The following ADAM23 variants were observed in gnomAD, a reference collection of about 807,000 sequenced individuals.
The protein encoded by ADAM23 is ADAM metallopeptidase domain 23, also known as disintegrin and metalloproteinase domain-containing protein 23.
Under a neutral mutation model 120.1 loss-of-function variants are expected in ADAM23, and 33 were observed. The observed-to-expected ratio is 0.27, with a 90% CI of 0.21 to 0.37. The LOEUF (loss-of-function observed/expected upper bound fraction) is 0.37, where lower values mean the gene tolerates loss of function less well. Among genes scored for constraint, ADAM23 ranks in the 10% least tolerant of loss-of-function variants. ADAM23 has a pLI of 1.00. For synonymous variants in ADAM23, 367 were observed against 375.2 expected (o/e 0.98, Z 0.25); for missense variants, 862 against 1,058.2 (o/e 0.81, Z 2.57).
intron 3 of ADAM23, among the ~76,000 whole-genome samples, chr2:206,485,091 C>T (rs1000273990): frequency 1.3e-5 from 2 of 152,124 alleles, no homozygotes; most frequent in Non-Finnish European, 2.9e-5. Context: ...TGAGAATGGA[C>T]TAATGTAATA....
At chr2:206,590,726 T>C (rs912957002) in intron 21 of ADAM23, among the ~76,000 whole-genome samples, 1 of 152,240 alleles carries the variant, frequency 6.6e-6, no homozygotes, top group Non-Finnish European at 1.5e-5. Context: ...GAGCTTCTTA[T>C]CTGATGTCTC....
chr2:206,458,456 G>A (rs371601053), intron 2 of ADAM23, among the ~76,000 whole-genome samples: 2 of 152,208 alleles, frequency 1.3e-5, no homozygotes, highest in African/African-American at 4.8e-5. Context: ...TACCTCAGAC[G>A]TAAGTGAACA....
rs73054261 is a variant in ADAM23, at chr2:206,578,676, C to A, written c.1737+5481C>A. ...CATTTGGGGTGGTTCCATGATTTTGCAGTTGTGAATTGTGCTACTATAAAC... is the reference window on the plus strand; with the variant it reads ...CATTTGGGGTGGTTCCATGATTTTGAAGTTGTGAATTGTGCTACTATAAAC... On this transcript the variant is annotated intron_variant, in intron 18 of 25. Transcript: ENST00000264377. Among the ~76,000 whole-genome samples, 1,038 of 152,172 alleles carry A rather than the reference C, an allele frequency of 6.8e-3. 9 individuals are homozygous for A. Among genetic ancestry groups the A allele is most frequent in the African/African-American group, 0.024 (979 of 41,516 alleles).
At chr2:206,472,668 A>G (rs1695685846) in intron 2 of ADAM23, among the ~76,000 whole-genome samples, 1 of 152,000 alleles carries the variant, frequency 6.6e-6, no homozygotes, top group East Asian at 1.9e-4. Flanking sequence ...AGAGAGGAAG[A>G]TGAATTTGGA....
At chr2:206,514,444 G>A (rs2105785090) in intron 3 of ADAM23, among the ~76,000 whole-genome samples, 1 of 152,296 alleles carries the variant, frequency 6.6e-6, no homozygotes, top group Admixed American at 6.5e-5. Flanking sequence ...AACTAGAAGT[G>A]GAGCCCGAAG....
At chr2:206,444,998 A>AC (rs10557523) in intron 1 of ADAM23, among the ~76,000 whole-genome samples, 3,550 of 145,720 alleles carry the variant, frequency 0.024, 45 homozygotes, top group African/African-American at 0.032. Context: ...AGTTCATTCT[A>AC]CCCCCCCCCC....
intron 2 of ADAM23, among the ~76,000 whole-genome samples, chr2:206,473,658 T>C (rs1054206649): frequency 1.3e-5 from 2 of 151,622 alleles, no homozygotes; most frequent in African/African-American, 4.8e-5. Context: ...TATTTTTCAC[T>C]CTTTTCAGTT....
intron 2 of ADAM23, among the ~76,000 whole-genome samples, chr2:206,452,806 T>C (rs1360259192): frequency 2.0e-5 from 3 of 152,120 alleles, no homozygotes; most frequent in African/African-American, 7.2e-5. Flanking sequence ...AGAGTGAACC[T>C]TGGGAGTCAT....
Position 206,620,339 on chromosome 2 carries a change from A to G in ADAM23, c.*2712A>G, listed in dbSNP as rs1699031040. Reference sequence around the variant, plus strand: ...AATCGAACCTATGCTCCAATGTTAAATTATTTGTGTATATGTAAAATACAC... The same window carrying G: ...AATCGAACCTATGCTCCAATGTTAAGTTATTTGTGTATATGTAAAATACAC... On this transcript the variant is annotated 3_prime_UTR_variant, in exon 26 of 26. Transcript: ENST00000264377. The G allele has an allele frequency of 6.6e-6, 1 of 152,146 alleles. No homozygotes were observed. The highest frequency in any genetic ancestry group is 6.6e-5 in the Admixed American group (1 of 15,266). The allele number at this position is 152,146 out of a possible 1,614,324, so 9.4% of individuals were successfully genotyped here.
At chr2:206,556,453 G>C (rs1370033526) in intron 9 of ADAM23, among the ~76,000 whole-genome samples, 2 of 152,010 alleles carry the variant, frequency 1.3e-5, no homozygotes, top group Non-Finnish European at 2.9e-5. Context: ...ATAATTGAAG[G>C]TAAATTTCAA....
chr2:206,590,575 C>T (rs1426027326), intron 21 of ADAM23, among the ~76,000 whole-genome samples: 1 of 152,190 alleles, frequency 6.6e-6, no homozygotes, highest in Non-Finnish European at 1.5e-5. Flanking sequence ...TTAAGGGAAG[C>T]TTTATTCTCA....
At chr2:206,575,202 A>G (rs923793385) in intron 18 of ADAM23, among the ~76,000 whole-genome samples, 1 of 152,220 alleles carries the variant, frequency 6.6e-6, no homozygotes, top group Non-Finnish European at 1.5e-5. Context: ...ATGGAATGAA[A>G]GCAAGGATAG....
intron 3 of ADAM23, among the ~76,000 whole-genome samples, chr2:206,511,078 A>C (rs1354289208): frequency 6.6e-6 from 1 of 151,878 alleles, no homozygotes; most frequent in Admixed American, 6.6e-5. Context: ...TCTCTATACC[A>C]TTTTATCATT....
chr2:206,484,842 C>T (rs530154720), intron 3 of ADAM23, among the ~76,000 whole-genome samples: 16 of 152,172 alleles, frequency 1.1e-4, no homozygotes, highest in South Asian at 2.1e-4. Flanking sequence ...ATCATGGGGG[C>T]GGGTTTTTCC....
At chr2:206,583,453 CAAA>C (rs1207907566) in intron 18 of ADAM23, among the ~76,000 whole-genome samples, 7 of 78,456 alleles carry the variant, frequency 8.9e-5, no homozygotes, top group African/African-American at 9.7e-5. Flanking sequence ...GACTCCGTCT[CAAA>C]AAAAAAAAAA....
At chr2:206,455,075 G>T (rs1268442971) in intron 2 of ADAM23, among the ~76,000 whole-genome samples, 1 of 152,242 alleles carries the variant, frequency 6.6e-6, no homozygotes, top group African/African-American at 2.4e-5. Flanking sequence ...TTTCCCCTCT[G>T]CACTGCCCTC....
At chr2:206,541,362 T>C (rs983540241) in intron 4 of ADAM23, among the ~76,000 whole-genome samples, 3 of 152,162 alleles carry the variant, frequency 2.0e-5, no homozygotes, top group African/African-American at 7.2e-5. Flanking sequence ...TGAATTAGAA[T>C]GTACTGGGGG....
intron 3 of ADAM23, among the ~76,000 whole-genome samples, chr2:206,483,829 C>T (rs1014603326): frequency 6.6e-6 from 1 of 151,938 alleles, no homozygotes; most frequent in Non-Finnish European, 1.5e-5. Flanking sequence ...GGACAGAAAC[C>T]GGGTTACAGT....
intron 24 of ADAM23, among the ~76,000 whole-genome samples, chr2:206,603,112 CA>C (rs981525230): frequency 2.7e-5 from 4 of 146,694 alleles, no homozygotes; most frequent in Admixed American, 6.7e-5. Context: ...GTTCCTTGAA[CA>C]AAAAAAAAGG....
Sources: gnomAD v4.1 joint callset for allele counts (sites outside exome capture counted in the v4.1 genomes callset) on GRCh38, gnomAD v4.1.1 for gene constraint, MANE v1.5 for transcripts, NCBI Gene and HGNC (gene_info 2026-07-23, HGNC 2026-07-21) for gene names.